Variants in ROBO2 observed in about 807,000 individuals in gnomAD.
ROBO2 encodes the protein roundabout guidance receptor 2, also known as roundabout homolog 2.
A neutral mutation model predicts 160.8 loss-of-function variants in ROBO2; 53 were observed. The observed-to-expected ratio is 0.33, with a 90% CI of 0.26 to 0.41. The LOEUF is 0.41. Among genes scored for constraint, ROBO2 ranks in the 10% least tolerant of loss-of-function variants. The pLI, the probability that ROBO2 is intolerant of heterozygous loss-of-function variation, is 1.00. For missense variants in ROBO2, 1,577 were observed against 1,722.4 expected (o/e 0.92, Z 1.49); for synonymous variants, 664 against 611.7 (o/e 1.09, Z -1.26).
intron 2 of ROBO2, among the ~76,000 whole-genome samples, chr3:77,456,687 T>C (rs1356393421): frequency 1.3e-5 from 2 of 152,212 alleles, no homozygotes; most frequent in East Asian, 3.9e-4. Flanking sequence ...ATTTTAAACT[T>C]AACTGAAATG....
chr3:76,936,105 T>C (rs1373094562), intron 2 of ROBO2, among the ~76,000 whole-genome samples: 2 of 152,158 alleles, frequency 1.3e-5, no homozygotes, highest in Non-Finnish European at 2.9e-5. Context: ...TTTGTGTCCT[T>C]CTTATGTGTA....
At chr3:76,459,910 G>A (rs2077989770) in intron 2 of ROBO2, among the ~76,000 whole-genome samples, 1 of 151,968 alleles carries the variant, frequency 6.6e-6, no homozygotes, top group Non-Finnish European at 1.5e-5. Context: ...CAAATGTGTG[G>A]TTTAACAAAT....
chr3:77,078,080 A>C (rs921672229), intron 1 of ROBO2, among the ~76,000 whole-genome samples: 1 of 152,162 alleles, frequency 6.6e-6, no homozygotes, highest in Non-Finnish European at 1.5e-5. Flanking sequence ...AATTAAAAGT[A>C]ATTTATTGAC....
intron 1 of ROBO2, among the ~76,000 whole-genome samples, chr3:75,923,865 A>G (rs1327134782): frequency 2.0e-5 from 3 of 152,180 alleles, no homozygotes; most frequent in Admixed American, 6.5e-5. Flanking sequence ...CTTTTGTGGC[A>G]TAACAGCTAA....
intron 2 of ROBO2, among the ~76,000 whole-genome samples, chr3:77,476,046 A>G (rs984919794): frequency 6.6e-6 from 1 of 152,192 alleles, no homozygotes; most frequent in Admixed American, 6.5e-5. Flanking sequence ...TAATCTCATA[A>G]AGGGCCATGA....
intron 1 of ROBO2, among the ~76,000 whole-genome samples, chr3:75,914,650 C>T (rs1332087335): frequency 2.0e-5 from 3 of 152,122 alleles, no homozygotes; most frequent in Admixed American, 6.6e-5. Flanking sequence ...TCCCTTTGCA[C>T]ATAAATGCAA....
At chr3:76,239,058 C>G (rs1351017144) in intron 2 of ROBO2, among the ~76,000 whole-genome samples, 1 of 152,178 alleles carries the variant, frequency 6.6e-6, no homozygotes, top group African/African-American at 2.4e-5. Flanking sequence ...TGACTCCTTC[C>G]TGATATTTAC....
In ROBO2 at chr3:77,250,488, G is replaced by T. The variant is rs191808096; in HGVS notation, c.388+152148G>T. On this transcript the variant is annotated intron_variant, in intron 2 of 25. Coordinates refer to ENST00000461745, the Ensembl canonical transcript of ROBO2. ...GACGTTGTTAGGTTCCATATATCCA[G>T]CCAGTCAAAGTCTGTGTGTGCCATG... 1.5e-3 allele frequency among the ~76,000 whole-genome samples: 224 copies of T among 152,212 alleles called. 1 individual carries two copies. The highest frequency in any genetic ancestry group is 1.5e-3 in the South Asian group (7 of 4,824).
Position 76,381,572 on chromosome 3 carries a change from A to G in ROBO2, c.109+443970A>G, listed in dbSNP as rs573970261. Reference sequence around the variant, plus strand: ...CACCATGTTAGCCAGGGTGATCTCAATCTCCTGACTTCATGATCCACCCAC... The same window carrying G: ...CACCATGTTAGCCAGGGTGATCTCAGTCTCCTGACTTCATGATCCACCCAC... On this transcript the variant is annotated intron_variant, in intron 2 of 26. Coordinates refer to the ROBO2 transcript ENST00000487694. 2.3e-3 allele frequency among the ~76,000 whole-genome samples: 349 copies of G among 152,160 alleles called. 2 individuals are homozygous for G. Among genetic ancestry groups the G allele is most frequent in the African/African-American group, 7.9e-3 (329 of 41,500 alleles).
chr3:76,355,650 A>G (rs1479846703), intron 2 of ROBO2, among the ~76,000 whole-genome samples: 4 of 151,830 alleles, frequency 2.6e-5, no homozygotes, highest in African/African-American at 9.7e-5. Context: ...CAACACCTGC[A>G]TAGCAATCTG....
intron 2 of ROBO2, among the ~76,000 whole-genome samples, chr3:77,361,879 T>A (rs1474808882): frequency 2.0e-5 from 3 of 152,164 alleles, no homozygotes; most frequent in Non-Finnish European, 4.4e-5. Flanking sequence ...AAATTTAAGA[T>A]CTTGTTAACT....
At chr3:77,237,184 T>C (rs2088132398) in intron 2 of ROBO2, among the ~76,000 whole-genome samples, 1 of 15,092 alleles carries the variant, frequency 6.6e-5, no homozygotes, top group South Asian at 2.6e-3. Flanking sequence ...TTGACCTTTC[T>C]TTTTTTTTTT....
chr3:76,485,831 A>G (rs4855981), intron 2 of ROBO2, among the ~76,000 whole-genome samples: 39,555 of 152,092 alleles, frequency 0.26, 6,278 homozygotes, highest in African/African-American at 0.43. Context: ...GTGGATCTTA[A>G]AATAACAACA....
chr3:76,357,358 C>T (rs147869440), intron 2 of ROBO2, among the ~76,000 whole-genome samples: 1 of 151,900 alleles, frequency 6.6e-6, no homozygotes, highest in Non-Finnish European at 1.5e-5. Flanking sequence ...AAATACTACT[C>T]AGCAATACAA....
intron 1 of ROBO2, among the ~76,000 whole-genome samples, chr3:77,080,991 T>G (rs1363367207): frequency 6.6e-6 from 1 of 152,144 alleles, no homozygotes; most frequent in Non-Finnish European, 1.5e-5. Flanking sequence ...TTGAGTGGTA[T>G]TTTTCCTCCT....
At chr3:76,221,876 G>A (rs1157110130) in intron 2 of ROBO2, among the ~76,000 whole-genome samples, 5 of 151,942 alleles carry the variant, frequency 3.3e-5, no homozygotes, top group Non-Finnish European at 5.9e-5. Context: ...TTGCACCCAC[G>A]GAAGACAAAT....
intron 6 of ROBO2, among the ~76,000 whole-genome samples, chr3:77,532,687 C>G (rs1320486083): frequency 6.6e-6 from 1 of 151,710 alleles, no homozygotes. Context: ...AAATTGCAAT[C>G]ATTATATATT....
intron 2 of ROBO2, among the ~76,000 whole-genome samples, chr3:77,215,998 G>T (rs562919851): frequency 1.3e-5 from 2 of 152,250 alleles, no homozygotes; most frequent in Admixed American, 6.5e-5. Flanking sequence ...CTACTGGGGG[G>T]TGCCTCCCAG....
intron 2 of ROBO2, among the ~76,000 whole-genome samples, chr3:76,330,326 A>G (rs1421265894): frequency 1.3e-5 from 2 of 152,346 alleles, no homozygotes; most frequent in South Asian, 2.1e-4. Context: ...CCTAGTCTAC[A>G]TTATGATATT....
Sources: gnomAD v4.1 joint callset for allele counts (sites outside exome capture counted in the v4.1 genomes callset) on GRCh38, gnomAD v4.1.1 for gene constraint, MANE v1.5 for transcripts, NCBI Gene and HGNC (gene_info 2026-07-23, HGNC 2026-07-21) for gene names.